ASPRV1: variants seen among roughly 807,000 people sequenced by gnomAD.
The protein encoded by ASPRV1 is retroviral-like aspartic protease 1.
A neutral mutation model predicts 11.0 loss-of-function variants in ASPRV1; 7 were observed. That is an observed-to-expected ratio of 0.64 (90% CI 0.36 to 1.20). The LOEUF is 1.20. ASPRV1 is among the 50% of genes most tolerant of loss of function. The probability of loss-of-function intolerance (pLI) is 0.02; values close to 1 mark genes in which losing one functional copy is unlikely to be tolerated. For missense variants in ASPRV1, 299 were observed against 320.0 expected (o/e 0.93, Z 0.50); for synonymous variants, 136 against 138.4 (o/e 0.98, Z 0.12).
chr2:70,071,393 A>G, the ASPRV1 span, among the ~76,000 whole-genome samples: 9 of 152,240 alleles, frequency 5.9e-5, no homozygotes, highest in Non-Finnish European at 8.8e-5. Context: ...TCAAAGGTTC[A>G]TGAGTTTGCA....
the ASPRV1 span, among the ~76,000 whole-genome samples, chr2:70,036,340 A>C: frequency 7.2e-4 from 110 of 152,264 alleles, no homozygotes; most frequent in African/African-American, 2.4e-3. Flanking sequence ...TGTAGCATGC[A>C]AAATGAATGA....
chr2:69,981,964 G>A, the ASPRV1 span, among the ~76,000 whole-genome samples: 1 of 152,112 alleles, frequency 6.6e-6, no homozygotes, highest in Non-Finnish European at 1.5e-5. Context: ...CATGATGGAA[G>A]GGGCCCTGAG....
the ASPRV1 span, among the ~76,000 whole-genome samples, chr2:70,061,707 C>T: frequency 6.6e-6 from 1 of 152,156 alleles, no homozygotes; most frequent in African/African-American, 2.4e-5. Context: ...GTAATCCCAG[C>T]ACTTTGGGAG....
upstream of ASPRV1, chr2:69,963,021 C>T: frequency 3.1e-6 from 1 of 322,708 alleles, no homozygotes; most frequent in Non-Finnish European, 6.3e-6. Context: ...AGAGCCTGTC[C>T]CTCTTCAGCT....
the ASPRV1 span, among the ~76,000 whole-genome samples, chr2:70,061,814 T>G: frequency 6.9e-6 from 1 of 144,978 alleles, no homozygotes; most frequent in Non-Finnish European, 1.5e-5. Flanking sequence ...AACAAAAAAT[T>G]TAGCTGGGTG....
chr2:70,053,335 T>A, the ASPRV1 span, among the ~76,000 whole-genome samples: 2 of 151,928 alleles, frequency 1.3e-5, no homozygotes, highest in African/African-American at 4.8e-5. Context: ...GAAATCCACA[T>A]TGTTGGTGCC....
chr2:69,975,481 C>T, the ASPRV1 span: 46,497 of 152,128 alleles, frequency 0.31, 7,473 homozygotes, highest in East Asian at 0.35. Flanking sequence ...TTGGAAAGCA[C>T]CCAGAATTAC....
At chr2:69,959,073 G>A (rs941470765), downstream of ASPRV1, among the ~76,000 whole-genome samples, 23 of 152,102 alleles carry the variant, frequency 1.5e-4, no homozygotes, top group Admixed American at 1.3e-3. Flanking sequence ...GGCCAGGGAC[G>A]GGCAGCTGAT....
chr2:70,052,512 C>T, the ASPRV1 span, among the ~76,000 whole-genome samples: 1 of 152,132 alleles, frequency 6.6e-6, no homozygotes, highest in Admixed American at 6.6e-5. Context: ...GGCTGAGTGC[C>T]AGGCAACAGT....
At chr2:70,076,621 A>G in the ASPRV1 span, among the ~76,000 whole-genome samples, 1 of 152,244 alleles carries the variant, frequency 6.6e-6, no homozygotes, top group Non-Finnish European at 1.5e-5. Context: ...TATTTGATAC[A>G]CTTAGCCTAC....
chr2:70,064,478 A>C, the ASPRV1 span, among the ~76,000 whole-genome samples: 1 of 152,240 alleles, frequency 6.6e-6, no homozygotes, highest in African/African-American at 2.4e-5. Flanking sequence ...GATCAAGGCT[A>C]ATCAGGTGAA....
chr2:69,992,438 C>T, the ASPRV1 span, among the ~76,000 whole-genome samples: 2 of 152,178 alleles, frequency 1.3e-5, no homozygotes, highest in African/African-American at 4.8e-5. Flanking sequence ...AGTGTGAAAA[C>T]CCAGCAGGTT....
At chr2:69,959,421 C>T (rs991346061), downstream of ASPRV1, among the ~76,000 whole-genome samples, 4 of 152,098 alleles carry the variant, frequency 2.6e-5, no homozygotes, top group Non-Finnish European at 1.5e-5. Flanking sequence ...GTTTCAGATT[C>T]CCAGCCCTGC....
chr2:69,985,122 C>T, the ASPRV1 span, among the ~76,000 whole-genome samples: 9 of 152,204 alleles, frequency 5.9e-5, no homozygotes, highest in African/African-American at 1.7e-4. Flanking sequence ...TCCCGAAGTG[C>T]TGGGATTACG....
At chr2:70,027,873 T>C in the ASPRV1 span, among the ~76,000 whole-genome samples, 2 of 148,776 alleles carry the variant, frequency 1.3e-5, no homozygotes, top group African/African-American at 2.6e-5. Flanking sequence ...GGGTTTGAGG[T>C]GATGGATATG....
chr2:70,036,975 G>C, the ASPRV1 span, among the ~76,000 whole-genome samples: 39 of 152,264 alleles, frequency 2.6e-4, no homozygotes, highest in South Asian at 7.5e-3. Flanking sequence ...GGCAGGAAGG[G>C]AAGAACCAAA....
chr2:70,017,287 A>G, the ASPRV1 span, among the ~76,000 whole-genome samples: 2 of 152,214 alleles, frequency 1.3e-5, no homozygotes, highest in Non-Finnish European at 2.9e-5. Flanking sequence ...CACCACGCCC[A>G]ACCTGATCAT....
At chr2:69,963,015 C>A (rs1678188313), upstream of ASPRV1, 1 of 323,588 alleles carries the variant, frequency 3.1e-6, no homozygotes, top group Non-Finnish European at 6.2e-6. Context: ...TGGCCAAGAG[C>A]CTGTCCCTCT....
chr2:70,078,194 T>C, the ASPRV1 span, among the ~76,000 whole-genome samples: 1 of 152,156 alleles, frequency 6.6e-6, no homozygotes, highest in Non-Finnish European at 1.5e-5. Context: ...TTCATTCAGC[T>C]CCTATGTTAC....
Sources: gnomAD v4.1 joint callset for allele counts (sites outside exome capture counted in the v4.1 genomes callset) on GRCh38, gnomAD v4.1.1 for gene constraint, MANE v1.5 for transcripts, NCBI Gene and HGNC (gene_info 2026-07-23, HGNC 2026-07-21) for gene names.